The following PHACTR1 variants were observed in gnomAD, a reference collection of about 807,000 sequenced individuals.
PHACTR1 encodes the protein RPEL repeat containing 1.
A neutral mutation model predicts 69.2 loss-of-function variants in PHACTR1; 16 were observed. That is an observed-to-expected ratio of 0.23 (90% confidence interval 0.16 to 0.35). The LOEUF (loss-of-function observed/expected upper bound fraction) is 0.35. PHACTR1 is among the 10% of genes least tolerant of loss of function. PHACTR1 has a pLI of 1.00. For synonymous variants in PHACTR1, 312 were observed against 284.5 expected (o/e 1.10, Z -0.97); for missense variants, 510 against 734.7 (o/e 0.69, Z 3.54).
chr6:12,796,715 G>A (rs762285206), intron 4 of PHACTR1, among the ~76,000 whole-genome samples: 1 of 152,134 alleles, frequency 6.6e-6, no homozygotes, highest in Non-Finnish European at 1.5e-5. Flanking sequence ...TGGACCACAC[G>A]GCAGATGAAC....
intron 5 of PHACTR1, among the ~76,000 whole-genome samples, chr6:13,106,880 T>C (rs1004604483): frequency 2.0e-5 from 3 of 152,210 alleles, no homozygotes; most frequent in Admixed American, 6.5e-5. Flanking sequence ...ATGACCGTGA[T>C]AAACACCAGT....
At chr6:13,008,492 G>A (rs1228759131) in intron 4 of PHACTR1, among the ~76,000 whole-genome samples, 1 of 152,080 alleles carries the variant, frequency 6.6e-6, no homozygotes, top group Non-Finnish European at 1.5e-5. Flanking sequence ...CTCCTTGCTC[G>A]AAATATAAAT....
At chr6:12,783,608 A>G (rs541667910) in intron 4 of PHACTR1, among the ~76,000 whole-genome samples, 2 of 152,344 alleles carry the variant, frequency 1.3e-5, no homozygotes, top group East Asian at 3.9e-4. Flanking sequence ...AAAGACAATA[A>G]TAAAACCACA....
chr6:12,917,901 C>G (rs1056682043), intron 4 of PHACTR1, among the ~76,000 whole-genome samples: 3 of 152,140 alleles, frequency 2.0e-5, no homozygotes, highest in Non-Finnish European at 4.4e-5. Context: ...GAAATTCAGG[C>G]ACCACTATTC....
intron 5 of PHACTR1, among the ~76,000 whole-genome samples, chr6:13,143,795 C>T (rs1822871699): frequency 6.6e-6 from 1 of 151,780 alleles, no homozygotes; most frequent in Non-Finnish European, 1.5e-5. Context: ...ATTATATAAA[C>T]ATAAAAAATT....
chr6:13,181,635 G>A (rs980004663), intron 6 of PHACTR1, among the ~76,000 whole-genome samples: 6 of 152,202 alleles, frequency 3.9e-5, no homozygotes, highest in South Asian at 2.1e-4. Context: ...TCTGCACTAC[G>A]TGGCGTGATT....
intron 10 of PHACTR1, among the ~76,000 whole-genome samples, chr6:13,258,210 T>A (rs894869427): frequency 5.3e-5 from 8 of 151,588 alleles, no homozygotes; most frequent in Non-Finnish European, 8.8e-5. Context: ...ATACAAAAAT[T>A]AGCTGGGCAT....
At chr6:13,021,012 A>G (rs1407080950) in intron 4 of PHACTR1, among the ~76,000 whole-genome samples, 1 of 152,200 alleles carries the variant, frequency 6.6e-6, no homozygotes, top group African/African-American at 2.4e-5. Flanking sequence ...TTATTGAGAT[A>G]TAATTCACGC....
At chr6:13,048,592 T>C (rs1025973205) in intron 4 of PHACTR1, among the ~76,000 whole-genome samples, 1 of 150,692 alleles carries the variant, frequency 6.6e-6, no homozygotes, top group Non-Finnish European at 1.5e-5. Context: ...TGGAGTGTAA[T>C]GGTGCAATCT....
intron 5 of PHACTR1, among the ~76,000 whole-genome samples, chr6:13,145,390 T>G (rs555301438): frequency 6.6e-6 from 1 of 152,360 alleles, no homozygotes; most frequent in African/African-American, 2.4e-5. Context: ...CACAGCTGAT[T>G]GAGTTTTATG....
chr6:13,023,054 A>G (rs1435956605), intron 4 of PHACTR1, among the ~76,000 whole-genome samples: 1 of 151,536 alleles, frequency 6.6e-6, no homozygotes, highest in East Asian at 1.9e-4. Flanking sequence ...ATAAAGTACC[A>G]CTCCTGACCA....
intron 4 of PHACTR1, among the ~76,000 whole-genome samples, chr6:12,993,255 C>G (rs1228131899): frequency 6.6e-6 from 1 of 152,230 alleles, no homozygotes; most frequent in Non-Finnish European, 1.5e-5. Context: ...TCTAGCTCTT[C>G]TATCAGTATT....
chr6:13,139,029 T>C (rs1167675151), intron 5 of PHACTR1, among the ~76,000 whole-genome samples: 1 of 151,848 alleles, frequency 6.6e-6, no homozygotes, highest in Non-Finnish European at 1.5e-5. Flanking sequence ...CATGGAGCCA[T>C]GAAATAATTT....
At chr6:12,987,588 T>G (rs2127601110) in intron 4 of PHACTR1, among the ~76,000 whole-genome samples, 1 of 152,184 alleles carries the variant, frequency 6.6e-6, no homozygotes, top group South Asian at 2.1e-4. Flanking sequence ...CTTGATTGTG[T>G]AAGCCAGTGG....
chr6:12,753,626 C>T (rs1362284145), intron 4 of PHACTR1, among the ~76,000 whole-genome samples: 1 of 152,128 alleles, frequency 6.6e-6, no homozygotes, highest in Non-Finnish European at 1.5e-5. Context: ...GTATGGTCAA[C>T]ACCAGCATAA....
intron 7 of PHACTR1, among the ~76,000 whole-genome samples, chr6:13,195,763 A>AAAAAAAAAAAAG (rs1764297294): frequency 8.2e-6 from 1 of 121,944 alleles, no homozygotes; most frequent in Non-Finnish European, 1.7e-5. Flanking sequence ...GTCTCAAAAA[A>AAAAAAAAAAAAG]AAAAAAAAAA....
chr6:13,178,463 C>A (rs753630365), intron 6 of PHACTR1, among the ~76,000 whole-genome samples: 4 of 152,240 alleles, frequency 2.6e-5, no homozygotes, highest in Non-Finnish European at 5.9e-5. Flanking sequence ...GCAAAAGGAG[C>A]ACTAACATCA....
intron 4 of PHACTR1, among the ~76,000 whole-genome samples, chr6:12,794,932 C>T (rs1772782210): frequency 1.3e-5 from 2 of 152,126 alleles, no homozygotes; most frequent in African/African-American, 2.4e-5. Context: ...ACAGAGATCA[C>T]TCTAGGGGGC....
intron 4 of PHACTR1, among the ~76,000 whole-genome samples, chr6:13,007,658 CTTTTTT>C (rs55855505): frequency 1.8e-5 from 2 of 111,598 alleles, no homozygotes; most frequent in Admixed American, 9.4e-5. Context: ...TTTGGAGATC[CTTTTTT>C]TTTTTTTTTT....
Sources: allele counts gnomAD v4.1 joint callset (sites outside exome capture counted in the v4.1 genomes callset), GRCh38; gene constraint gnomAD v4.1.1; transcripts MANE v1.5; gene names NCBI Gene and HGNC (gene_info 2026-07-23, HGNC 2026-07-21).